CFAP69: variants seen among roughly 807,000 people sequenced by gnomAD.
The protein encoded by CFAP69 is cilia- and flagella-associated protein 69.
In CFAP69, 92 loss-of-function variants were observed where a neutral mutation model predicts 123.0. That is an observed-to-expected ratio of 0.75 (90% confidence interval 0.63 to 0.89). CFAP69 has a LOEUF of 0.89. Ranked by LOEUF, CFAP69 falls within the 40% of genes least tolerant of loss-of-function variation. The probability of loss-of-function intolerance (pLI) is 0.00; values close to 1 mark genes in which losing one functional copy is unlikely to be tolerated. For missense variants in CFAP69, 1,067 were observed against 1,096.9 expected (o/e 0.97, Z 0.39); for synonymous variants, 380 against 364.3 (o/e 1.04, Z -0.49).
At chr7:90,298,072 G>A (rs1234711126) in intron 16 of CFAP69, among the ~76,000 whole-genome samples, 2 of 152,098 alleles carry the variant, frequency 1.3e-5, no homozygotes, top group Non-Finnish European at 2.9e-5. Flanking sequence ...CAAATACACG[G>A]GAACAAAGAA....
At chr7:90,269,934 T>C (rs17866762) in intron 6 of CFAP69, among the ~76,000 whole-genome samples, 2,996 of 152,048 alleles carry the variant, frequency 0.02, 97 homozygotes, top group East Asian at 0.11. Flanking sequence ...AGGATGGAAT[T>C]AAGAGCACAA....
intron 18 of CFAP69, 81 bp downstream of exon 18, chr7:90,304,187 A>G: frequency 1.4e-6 from 2 of 1,419,318 alleles, no homozygotes; most frequent in Non-Finnish European, 1.8e-6. Context: ...AGTTTTTCAA[A>G]TATAATGAGC....
At chr7:90,264,086 A>G (rs1332978750) in intron 4 of CFAP69, among the ~76,000 whole-genome samples, 4 of 72,686 alleles carry the variant, frequency 5.5e-5, no homozygotes, top group African/African-American at 2.3e-4. Flanking sequence ...GCAAGACTCC[A>G]TCTCGAAAAA....
At chr7:90,268,411 A>G (rs749353784) in intron 6 of CFAP69, 27 bp downstream of exon 6, 4 of 1,469,138 alleles carry the variant, frequency 2.7e-6, no homozygotes. Flanking sequence ...TCTTTCAGTG[A>G]TAACTTGTGT....
chr7:90,253,331 G>A (rs1797248350), intron 1 of CFAP69, among the ~76,000 whole-genome samples: 1 of 151,928 alleles, frequency 6.6e-6, no homozygotes, highest in African/African-American at 2.4e-5. Flanking sequence ...ACCTCTGATC[G>A]GATTATTTCA....
intron 20 of CFAP69, 58 bp downstream of exon 20, chr7:90,307,156 A>G (rs1430501431): frequency 2.5e-6 from 3 of 1,208,740 alleles, no homozygotes; most frequent in African/African-American, 3.1e-5. Context: ...ATGGGCACAA[A>G]AATACAGTTA....
chr7:90,295,991 C>G (rs893529465), intron 15 of CFAP69, among the ~76,000 whole-genome samples: 4 of 152,102 alleles, frequency 2.6e-5, no homozygotes, highest in African/African-American at 9.7e-5. Context: ...TTTACTGCAA[C>G]CTGTTTTATC....
At position 90,271,486 on chromosome 7, in the gene CFAP69, G is replaced by A. The variant is rs145822924; in HGVS notation, c.533-40G>A. 214 of 1,554,156 alleles carry A rather than the reference G, an allele frequency of 1.4e-4. No homozygotes were observed. In the African/African-American group the frequency reaches 2.6e-3, roughly 19 times the overall value. On this transcript the variant is annotated intron_variant, in intron 6 of 22. Transcript: ENST00000389297. ...ATTCTTTTGTCTTAATGATCATTCT[G>A]TGAGATAACTGTATGTATTTATTAA... is the stretch of plus-strand genomic sequence containing the variant.
chr7:90,272,754 G>C (rs1240044156), intron 8 of CFAP69, among the ~76,000 whole-genome samples: 1 of 151,988 alleles, frequency 6.6e-6, no homozygotes, highest in East Asian at 1.9e-4. Flanking sequence ...TATGTAGTAA[G>C]ACCTAAGAAG....
At chr7:90,271,471 C>A in intron 6 of CFAP69, 55 bp from the exon 7 acceptor site, 1 of 1,510,914 alleles carries the variant, frequency 6.6e-7, no homozygotes, top group Non-Finnish European at 9.0e-7. Context: ...ATTCTTTTGT[C>A]TTAATGATCA....
intron 15 of CFAP69, among the ~76,000 whole-genome samples, chr7:90,293,165 G>C (rs1791455734): frequency 6.6e-6 from 1 of 152,088 alleles, no homozygotes; most frequent in Non-Finnish European, 1.5e-5. Flanking sequence ...CCCAAAGAAA[G>C]CTAAATACTG....
intron 4 of CFAP69, among the ~76,000 whole-genome samples, chr7:90,263,233 C>G (rs994656386): frequency 6.6e-6 from 1 of 152,036 alleles, no homozygotes; most frequent in African/African-American, 2.4e-5. Context: ...TTCATTTTCC[C>G]TCATATTTCA....
At chr7:90,322,992 T>G in the CFAP69 span, among the ~76,000 whole-genome samples, 1 of 152,234 alleles carries the variant, frequency 6.6e-6, no homozygotes, top group Non-Finnish European at 1.5e-5. Context: ...AATGATATAT[T>G]GTCTTCCCCA....
chr7:90,300,262 T>C (rs1403718259), intron 17 of CFAP69: 1 of 1,015,090 alleles, frequency 9.9e-7, no homozygotes, highest in African/African-American at 1.7e-5. Context: ...TTTTAGAGAA[T>C]ATTTTTAAGA....
Position 90,278,247 on chromosome 7 carries a change from G to A in CFAP69, c.1155+913G>A, listed in dbSNP as rs938695457. ...CTAGCTATGTGGCATTAAATGGGTT[G>A]TTTGATTTCTCTAAATCCCAGGTAG... is the stretch of plus-strand genomic sequence containing the variant. On this transcript the variant is annotated intron_variant, in intron 11 of 22. Transcript: ENST00000389297. Among the ~76,000 whole-genome samples, 8 of 152,236 alleles carry A rather than the reference G, an allele frequency of 5.3e-5. No individual in the cohort carries two copies. The East Asian group carries it at 5.8e-4, about 11-fold the overall frequency.
chr7:90,293,265 A>C (rs1791467206), intron 15 of CFAP69, among the ~76,000 whole-genome samples: 1 of 152,218 alleles, frequency 6.6e-6, no homozygotes, highest in Non-Finnish European at 1.5e-5. Flanking sequence ...TTTTACACTC[A>C]ATTCTTAATA....
chr7:90,308,877 G>A (rs6970750), intron 21 of CFAP69, among the ~76,000 whole-genome samples: 76,672 of 151,906 alleles, frequency 0.5, 20,225 homozygotes, highest in Non-Finnish European at 0.59. Context: ...ACATTTAAGT[G>A]TACTTAATCA....
intron 5 of CFAP69, among the ~76,000 whole-genome samples, chr7:90,265,607 C>T (rs1032285747): frequency 6.6e-6 from 1 of 152,110 alleles, no homozygotes; most frequent in African/African-American, 2.4e-5. Flanking sequence ...CAAGGACAGG[C>T]TGATAATGTA....
chr7:90,319,122 T>A, the CFAP69 span: 1 of 360,662 alleles, frequency 2.8e-6, no homozygotes, highest in Non-Finnish European at 4.9e-6. Flanking sequence ...ATTTTAATTA[T>A]CTACCAAAGT....
Sources: gnomAD v4.1 joint callset for allele counts (sites outside exome capture counted in the v4.1 genomes callset) on GRCh38, gnomAD v4.1.1 for gene constraint, MANE v1.5 for transcripts, NCBI Gene and HGNC (gene_info 2026-07-23, HGNC 2026-07-21) for gene names.